Variants in YAP1 observed in about 807,000 individuals in gnomAD.
The protein encoded by YAP1 is Yes1 associated transcriptional regulator.
Under a neutral mutation model 56.9 loss-of-function variants are expected in YAP1, and 5 were observed. The observed-to-expected ratio is 0.09, with a 90% CI of 0.05 to 0.18. The LOEUF (loss-of-function observed/expected upper bound fraction) is 0.18. Among genes scored for constraint, YAP1 ranks in the 10% least tolerant of loss-of-function variants. The pLI is 1.00. For synonymous variants in YAP1, 265 were observed against 248.1 expected (o/e 1.07, Z -0.64); for missense variants, 539 against 651.8 (o/e 0.83, Z 1.88).
chr11:102,172,475 C>CTTTTT lies in YAP1; in HGVS notation c.688+9904_688+9905insTTTTT, dbSNP rs368895891. Among the ~76,000 whole-genome samples the CTTTTT allele has an allele frequency of 1.7e-4, 18 of 106,206 alleles. 8 individuals are homozygous for CTTTTT. The highest frequency in any genetic ancestry group is 1.5e-4 in the Non-Finnish European group (8 of 53,224). 69.7% of individuals were successfully genotyped at this position (106,206 alleles called of 152,430 possible). ...TACAGGCATACGGCACCATGCACAG[C>CTTTTT]GTTTTTTTTTTTTTTTTTTTGGTAG... On this transcript the variant is annotated intron_variant, in intron 3 of 8. Coordinates refer to ENST00000282441, the MANE Select transcript of YAP1 (RefSeq NM_001130145.3).
chr11:102,206,025 A>G lies in YAP1; in HGVS notation c.935A>G (p.Gln312Arg), dbSNP rs752279278. The change falls in exon 5 of 9, where the codon CAG (glutamine) becomes CGG (arginine). Residue 312 changes from glutamine (Q) to arginine (R), a missense_variant. Gln to Arg is a conservative substitution (Grantham distance 43, BLOSUM62 1). Coordinates refer to ENST00000282441, the MANE Select transcript of YAP1 (RefSeq NM_001130145.3). ...QQQQMRLQQL[Q>R]MEKERLRLKQ... ...CAACAGATGCGACTGCAGCAACTGCAGATGGAGAAGGAGAGGCTGCGGCTG... is the reference window on the plus strand; with the variant it reads ...CAACAGATGCGACTGCAGCAACTGCGGATGGAGAAGGAGAGGCTGCGGCTG... The G allele has an allele frequency of 1.1e-5, 17 of 1,613,940 alleles. 1 individual carries two copies. The highest frequency in any genetic ancestry group is 1.4e-5 in the Non-Finnish European group (17 of 1,179,982).
At chr11:102,203,379 A>G (rs1166279276) in intron 4 of YAP1, among the ~76,000 whole-genome samples, 20 of 152,220 alleles carry the variant, frequency 1.3e-4, no homozygotes, top group Admixed American at 1.3e-3. Flanking sequence ...AAATGTAGAC[A>G]TGGGATGGAC....
At chr11:102,225,022 T>C (rs1950126246) in intron 7 of YAP1, among the ~76,000 whole-genome samples, 3 of 152,190 alleles carry the variant, frequency 2.0e-5, no homozygotes, top group South Asian at 4.1e-4. Flanking sequence ...TTAAAACTTT[T>C]GATGAGAGCT....
chr11:102,187,018 C>CTGAATAGGTCAGACTGAG (rs1445436785), intron 4 of YAP1, among the ~76,000 whole-genome samples: 1 of 152,050 alleles, frequency 6.6e-6, no homozygotes, highest in Non-Finnish European at 1.5e-5. Flanking sequence ...TGAGGGGACT[C>CTGAATAGGTCAGACTGAG]GGAACCTTTG....
chr11:102,114,056 G>T, intron 1 of YAP1, 88 bp from the exon 2 acceptor site: 1 of 1,383,692 alleles, frequency 7.2e-7, no homozygotes, highest in South Asian at 1.7e-5. Flanking sequence ...TTAGATATTC[G>T]GCTGCAATTA....
chr11:102,175,536 T>G (rs1227751764), intron 3 of YAP1, among the ~76,000 whole-genome samples: 7 of 152,256 alleles, frequency 4.6e-5, no homozygotes, highest in African/African-American at 1.7e-4. Context: ...TATTGCTTAA[T>G]GACTGGGATA....
intron 6 of YAP1, among the ~76,000 whole-genome samples, chr11:102,220,835 C>G (rs1224870104): frequency 2.6e-5 from 4 of 152,120 alleles, no homozygotes; most frequent in African/African-American, 7.2e-5. Context: ...ATGAAGTGGT[C>G]AGTATCATTT....
intron 6 of YAP1, among the ~76,000 whole-genome samples, chr11:102,218,808 T>C (rs142269640): frequency 1.3e-5 from 2 of 152,324 alleles, no homozygotes; most frequent in African/African-American, 4.8e-5. Flanking sequence ...ATCTGCATAG[T>C]TGGTTCTGCA....
intron 1 of YAP1, among the ~76,000 whole-genome samples, 161 bp from the exon 2 acceptor site, chr11:102,113,983 A>G (rs1268975943): frequency 1.3e-5 from 2 of 152,132 alleles, no homozygotes; most frequent in South Asian, 2.1e-4. Context: ...TATTAAAAGT[A>G]TCCATTTGAA....
chr11:102,202,055 A>C (rs1948886535), intron 4 of YAP1, among the ~76,000 whole-genome samples: 1 of 152,212 alleles, frequency 6.6e-6, no homozygotes, highest in Admixed American at 6.6e-5. Context: ...AACATTGATC[A>C]GAATAACTGT....
At chr11:102,134,274 A>G (rs1944539974) in intron 2 of YAP1, among the ~76,000 whole-genome samples, 1 of 152,126 alleles carries the variant, frequency 6.6e-6, no homozygotes, top group African/African-American at 2.4e-5. Flanking sequence ...TCAAGATGCT[A>G]GATTAGTACC....
intron 3 of YAP1, among the ~76,000 whole-genome samples, chr11:102,179,259 A>T (rs1057144029): frequency 2.0e-5 from 3 of 152,164 alleles, no homozygotes; most frequent in African/African-American, 7.2e-5. Context: ...GTGGTCAGGC[A>T]TGATAGCCCA....
At chr11:102,124,635 C>T (rs1228517324) in intron 2 of YAP1, among the ~76,000 whole-genome samples, 2 of 152,038 alleles carry the variant, frequency 1.3e-5, no homozygotes, top group African/African-American at 4.8e-5. Flanking sequence ...ATTTTCTTAT[C>T]TTATCCCACT....
intron 7 of YAP1, among the ~76,000 whole-genome samples, chr11:102,224,768 A>G (rs1199245651): frequency 2.0e-5 from 3 of 152,246 alleles, no homozygotes; most frequent in South Asian, 2.1e-4. Flanking sequence ...CTTCTGACAT[A>G]CACTTTAAAG....
At chr11:102,198,980 T>C (rs558315048) in intron 4 of YAP1, among the ~76,000 whole-genome samples, 2 of 152,278 alleles carry the variant, frequency 1.3e-5, no homozygotes, top group African/African-American at 4.8e-5. Flanking sequence ...GTAAATGGTA[T>C]GATAAAATAG....
In YAP1 at chr11:102,231,949, C is replaced by T. The variant is rs1950447771; in HGVS notation, c.*2009C>T. ...TTCAGTGCTCAAAAAAATGCAATCA[C>T]TGTGTTGTATATAATAGTTCATAGG... On this transcript the variant is annotated 3_prime_UTR_variant, in exon 9 of 9. Transcript: ENST00000282441. 2 of 152,454 alleles carry T rather than the reference C, an allele frequency of 1.3e-5. No individual in the cohort carries two copies. Among genetic ancestry groups the T allele is most frequent in the South Asian group, 4.1e-4 (2 of 4,826 alleles). 9.4% of individuals were successfully genotyped at this position (152,454 alleles called of 1,614,324 possible). A position where few individuals can be genotyped will look rare whatever the true frequency, so the allele number is the denominator to read the frequency against.
At chr11:102,215,175 G>A (rs1949600681) in intron 6 of YAP1, among the ~76,000 whole-genome samples, 1 of 152,158 alleles carries the variant, frequency 6.6e-6, no homozygotes, top group Non-Finnish European at 1.5e-5. Flanking sequence ...ACAGTTGGAA[G>A]AAATGGCATT....
intron 3 of YAP1, among the ~76,000 whole-genome samples, chr11:102,183,623 G>A (rs927946110): frequency 4.6e-5 from 7 of 151,966 alleles, no homozygotes; most frequent in Non-Finnish European, 5.9e-5. Context: ...GAGTGGAGCA[G>A]GTAGGGAAGG....
intron 2 of YAP1, among the ~76,000 whole-genome samples, chr11:102,141,352 T>C (rs531119825): frequency 5.9e-5 from 9 of 152,296 alleles, no homozygotes; most frequent in Non-Finnish European, 8.8e-5. Flanking sequence ...TTTACCTGTT[T>C]TGGTGTCTTT....
Sources: gnomAD v4.1 joint callset for allele counts (sites outside exome capture counted in the v4.1 genomes callset) on GRCh38, gnomAD v4.1.1 for gene constraint, MANE v1.5 for transcripts, NCBI Gene and HGNC (gene_info 2026-07-23, HGNC 2026-07-21) for gene names.